Variants in MAP3K20 observed in about 807,000 individuals in gnomAD.
MAP3K20 encodes mitogen-activated protein kinase kinase kinase 20.
MAP3K20 carries 40 observed loss-of-function variants against 85.7 expected under a neutral mutation model. The ratio of observed to expected loss-of-function variants is 0.47; its 90% CI spans 0.36 to 0.61. The LOEUF (loss-of-function observed/expected upper bound fraction) is 0.61. Ranked by LOEUF, MAP3K20 falls within the 20% of genes least tolerant of loss-of-function variation. The pLI, the probability that MAP3K20 is intolerant of heterozygous loss-of-function variation, is 0.00. For missense variants in MAP3K20, 817 were observed against 961.7 expected (o/e 0.85, Z 1.99); for synonymous variants, 325 against 327.7 (o/e 0.99, Z 0.09).
rs1690935253 is a variant in MAP3K20 at position 173,198,800 on chromosome 2, CT to C, written c.669+691del. ...CTTCTCTTCTTCCCACAAATTGAGGCTTTCAGTTAGTTGGACCTATGAGCCT... is the reference window on the plus strand; with the variant it reads ...CTTCTCTTCTTCCCACAAATTGAGGCTTCAGTTAGTTGGACCTATGAGCCT... On this transcript the variant is annotated intron_variant, in intron 8 of 19. Transcript: ENST00000375213. The surrounding 1 kb of genome is among the most constrained non-coding windows in gnomAD (Gnocchi z 5.8). 2 of 152,602 alleles carry C rather than the reference CT, an allele frequency of 1.3e-5. No individual in the cohort carries two copies. The highest frequency in any genetic ancestry group is 4.8e-5 in the African/African-American group (2 of 41,424). 9.5% of individuals were successfully genotyped at this position (152,602 alleles called of 1,614,324 possible). A position where few individuals can be genotyped will look rare whatever the true frequency, so the allele number is the denominator to read the frequency against.
intron 2 of MAP3K20, among the ~76,000 whole-genome samples, chr2:173,153,081 T>C (rs1017864292): frequency 3.3e-5 from 5 of 152,212 alleles, no homozygotes; most frequent in Non-Finnish European, 7.4e-5. Flanking sequence ...AACAAACTTA[T>C]AAAAGATTGC....
At chr2:173,260,484 C>A (rs1685262954) in intron 17 of MAP3K20, among the ~76,000 whole-genome samples, 1 of 152,270 alleles carries the variant, frequency 6.6e-6, no homozygotes, top group African/African-American at 2.4e-5. Context: ...GAGAGTACAG[C>A]TTATTTCTGA....
intron 2 of MAP3K20, among the ~76,000 whole-genome samples, chr2:173,110,221 ATATATATATATATATATATATTTTTTTTT>A (rs1687914197): frequency 2.6e-4 from 2 of 7,734 alleles, no homozygotes; most frequent in African/African-American, 4.0e-4. Flanking sequence ...ATATATATAT[ATATATATATATATATATATATTTTTTTTT>A]TTTTTTTTTT....
intron 14 of MAP3K20, among the ~76,000 whole-genome samples, chr2:173,235,527 C>T (rs1005379595): frequency 2.6e-5 from 4 of 152,110 alleles, no homozygotes; most frequent in African/African-American, 4.8e-5. Flanking sequence ...CCTGAATAGG[C>T]GAATCCATAG....
intron 2 of MAP3K20, among the ~76,000 whole-genome samples, chr2:173,128,926 T>C (rs963703415): frequency 1.4e-5 from 2 of 146,944 alleles, no homozygotes; most frequent in Admixed American, 6.7e-5. Flanking sequence ...CTTTTCTTTT[T>C]TTTTTTTTTT....
At chr2:173,091,897 C>T (rs1365000350) in intron 2 of MAP3K20, among the ~76,000 whole-genome samples, 1 of 152,218 alleles carries the variant, frequency 6.6e-6, no homozygotes, top group Non-Finnish European at 1.5e-5. Context: ...AAAGTAATTA[C>T]AGAGCTGACC....
At chr2:173,248,678 G>T (rs1684977128) in intron 16 of MAP3K20, among the ~76,000 whole-genome samples, 1 of 152,056 alleles carries the variant, frequency 6.6e-6, no homozygotes, top group Non-Finnish European at 1.5e-5. Context: ...AGAAAGCCCT[G>T]GTTTGTAGCA....
chr2:173,209,810 T>C lies in MAP3K20; in HGVS notation c.826T>C (p.Phe276Leu), dbSNP rs779652284. The part of the protein sequence containing the change: ...DTSLPDKCNS[F>L]LHNKAEWRCE... ...GAGCCTTCCTGACAAGTGTAACTCATTCCTACACAACAAGGCGGAGTGGAG... is the reference window on the plus strand; with the variant it reads ...GAGCCTTCCTGACAAGTGTAACTCACTCCTACACAACAAGGCGGAGTGGAG... The change falls in exon 10 of 20, where the codon TTC becomes CTC. Residue 276 changes from phenylalanine (F) to leucine (L), a missense_variant. This residue lies in a region of MAP3K20 where 158 missense variants were observed against 162.0 expected (regional missense o/e 0.98). Transcript: ENST00000375213. 1.9e-6 allele frequency: 3 copies of C among 1,614,176 alleles called. No individual in the cohort carries two copies. Among genetic ancestry groups the C allele is most frequent in the Admixed American group, 1.7e-5 (1 of 60,030 alleles).
At chr2:173,191,828 C>A (rs1690660564) in intron 7 of MAP3K20, among the ~76,000 whole-genome samples, 1 of 152,082 alleles carries the variant, frequency 6.6e-6, no homozygotes, top group South Asian at 2.1e-4. Flanking sequence ...AGGAAGAGAC[C>A]ACAGGAATGA....
chr2:173,246,033 A>G (rs546253132), intron 16 of MAP3K20, among the ~76,000 whole-genome samples: 2 of 152,304 alleles, frequency 1.3e-5, no homozygotes, highest in South Asian at 4.1e-4. Flanking sequence ...AATGTTTCCC[A>G]TGCTAGGGAT....
At chr2:173,206,307 T>G (rs1399884312) in intron 9 of MAP3K20, among the ~76,000 whole-genome samples, 1 of 152,210 alleles carries the variant, frequency 6.6e-6, no homozygotes, top group African/African-American at 2.4e-5. Context: ...TGGCATGTCT[T>G]TAAATGTAGT....
intron 2 of MAP3K20, among the ~76,000 whole-genome samples, chr2:173,133,620 T>C (rs1444596629): frequency 3.9e-5 from 6 of 152,146 alleles, no homozygotes; most frequent in Non-Finnish European, 5.9e-5. Flanking sequence ...ATTTTGGCTG[T>C]GCTTCAAAAT....
At chr2:173,185,162 A>T (rs758525856) in intron 4 of MAP3K20, among the ~76,000 whole-genome samples, 3 of 152,124 alleles carry the variant, frequency 2.0e-5, no homozygotes, top group Non-Finnish European at 2.9e-5. Flanking sequence ...AATCACTTGA[A>T]CCTGGGAGGC....
chr2:173,180,954 A>G (rs527360445), intron 3 of MAP3K20, among the ~76,000 whole-genome samples: 10 of 152,332 alleles, frequency 6.6e-5, no homozygotes, highest in African/African-American at 2.4e-4. Context: ...TGAAAAGACA[A>G]ATGACAAACT....
At chr2:173,170,820 A>G (rs979990292) in intron 3 of MAP3K20, among the ~76,000 whole-genome samples, 4 of 152,160 alleles carry the variant, frequency 2.6e-5, no homozygotes, top group Non-Finnish European at 5.9e-5. Flanking sequence ...CAACTTTTCC[A>G]TGGTCACCTA....
chr2:173,076,084 G>C (rs1054861434), intron 1 of MAP3K20, 82 bp downstream of exon 1: 273 of 940,418 alleles, frequency 2.9e-4, no homozygotes, highest in Non-Finnish European at 3.1e-4. Context: ...CCTGCGTCTC[G>C]GGGCCGAGGC....
chr2:173,191,919 C>CAGAG (rs1195128151), intron 7 of MAP3K20, among the ~76,000 whole-genome samples: 2 of 152,188 alleles, frequency 1.3e-5, no homozygotes, highest in Non-Finnish European at 2.9e-5. Context: ...CCTGCATTAT[C>CAGAG]AGAGAGAAGG....
intron 8 of MAP3K20, among the ~76,000 whole-genome samples, chr2:173,199,730 A>G (rs1465840280): frequency 2.0e-5 from 3 of 150,838 alleles, no homozygotes; most frequent in Admixed American, 2.0e-4. Context: ...AAATATGTAT[A>G]AGACAGAATA....
At chr2:173,214,479 C>T (rs954996336) in intron 10 of MAP3K20, 1 of 152,168 alleles carries the variant, frequency 6.6e-6, no homozygotes, top group African/African-American at 2.4e-5. Context: ...CCAAAGTACT[C>T]TCACCATGAC....
Sources: allele counts gnomAD v4.1 joint callset (sites outside exome capture counted in the v4.1 genomes callset), GRCh38; gene constraint gnomAD v4.1.1; regional missense constraint gnomAD v4.1.1; non-coding constraint Gnocchi (gnomAD v3.1); transcripts MANE v1.5; gene names NCBI Gene and HGNC (gene_info 2026-07-23, HGNC 2026-07-21).